SRBD1: variants seen among roughly 807,000 people sequenced by gnomAD.
The protein encoded by SRBD1 is S1 RNA-binding domain-containing protein 1.
SRBD1 carries 88 observed loss-of-function variants against 115.3 expected under a neutral mutation model. The ratio of observed to expected loss-of-function variants is 0.76; its 90% confidence interval spans 0.64 to 0.91. The LOEUF is 0.91. Ranked by LOEUF, SRBD1 falls within the 40% of genes least tolerant of loss-of-function variation. The pLI is 0.00. For synonymous variants in SRBD1, 509 were observed against 407.7 expected, an observed-to-expected ratio of 1.25 and a Z score of -2.99; for missense variants, 1,385 against 1,177.4, an observed-to-expected ratio of 1.18 and a Z score of -2.58.
chr2:45,529,998 A>C (rs1671563642), intron 14 of SRBD1, among the ~76,000 whole-genome samples: 2 of 152,024 alleles, frequency 1.3e-5, no homozygotes, highest in African/African-American at 2.4e-5. Context: ...TGACAATGGC[A>C]ATGATGGCAG....
chr2:45,497,007 G>A (rs947758417), intron 14 of SRBD1, among the ~76,000 whole-genome samples: 3 of 152,172 alleles, frequency 2.0e-5, no homozygotes, highest in African/African-American at 4.8e-5. Flanking sequence ...GGGAAAGAAT[G>A]AGTTGCTCAG....
intron 16 of SRBD1, among the ~76,000 whole-genome samples, chr2:45,459,656 A>G (rs2103768389): frequency 6.6e-6 from 1 of 152,332 alleles, no homozygotes; most frequent in Admixed American, 6.5e-5. Context: ...ACACTTTCAC[A>G]TATGCACCTT....
At chr2:45,600,397 T>C (rs1674055275) in intron 3 of SRBD1, among the ~76,000 whole-genome samples, 2 of 152,162 alleles carry the variant, frequency 1.3e-5, no homozygotes, top group South Asian at 4.1e-4. Flanking sequence ...AGTTTAATTT[T>C]TAAAAATGAG....
At chr2:45,452,199 T>A (rs938061876) in intron 16 of SRBD1, among the ~76,000 whole-genome samples, 1 of 152,004 alleles carries the variant, frequency 6.6e-6, no homozygotes, top group Non-Finnish European at 1.5e-5. Flanking sequence ...CAGTTCAATT[T>A]CTCATTTTCA....
chr2:45,413,061 T>A, intron 19 of SRBD1, 53 bp downstream of exon 19: 2 of 1,535,658 alleles, frequency 1.3e-6, no homozygotes, highest in Non-Finnish European at 1.7e-6. Context: ...GGCCATTTGC[T>A]GTAAAGAACT....
At chr2:45,561,337 TATTG>T (rs1672658770) in intron 10 of SRBD1, among the ~76,000 whole-genome samples, 1 of 152,238 alleles carries the variant, frequency 6.6e-6, no homozygotes, top group Non-Finnish European at 1.5e-5. Flanking sequence ...GCAATTTACC[TATTG>T]ATTAACATTT....
At chr2:45,442,437 G>A (rs1246052398) in intron 16 of SRBD1, among the ~76,000 whole-genome samples, 1 of 152,192 alleles carries the variant, frequency 6.6e-6, no homozygotes, top group Non-Finnish European at 1.5e-5. Context: ...CGTTCTGGGA[G>A]AATTAGGTGA....
intron 7 of SRBD1, 35 bp downstream of exon 7, chr2:45,579,837 AAAG>A: frequency 6.8e-7 from 1 of 1,481,206 alleles, no homozygotes; most frequent in Non-Finnish European, 9.0e-7. Flanking sequence ...AAAAAAAAAA[AAAG>A]AAACAAAGTT....
At chr2:45,528,552 A>T (rs1044695220) in intron 14 of SRBD1, among the ~76,000 whole-genome samples, 2 of 151,934 alleles carry the variant, frequency 1.3e-5, no homozygotes, top group African/African-American at 4.8e-5. Context: ...AATTTGGTTG[A>T]AACTGAGGTA....
intron 4 of SRBD1, among the ~76,000 whole-genome samples, chr2:45,595,717 C>G (rs1361521236): frequency 6.6e-6 from 1 of 152,136 alleles, no homozygotes; most frequent in African/African-American, 2.4e-5. Flanking sequence ...GAAAGGAAAT[C>G]CACATATACC....
intron 16 of SRBD1, among the ~76,000 whole-genome samples, chr2:45,431,292 A>G (rs1668327803): frequency 6.6e-6 from 1 of 152,182 alleles, no homozygotes; most frequent in Admixed American, 6.5e-5. Flanking sequence ...CAGCAATCCC[A>G]TTACTGGGTA....
chr2:45,467,067 A>C (rs1669510482), intron 16 of SRBD1, among the ~76,000 whole-genome samples: 1 of 152,220 alleles, frequency 6.6e-6, no homozygotes, highest in South Asian at 2.1e-4. Flanking sequence ...CCAATAAAAC[A>C]CAGACTACAG....
chr2:45,444,160 C>T (rs955878914), intron 16 of SRBD1, among the ~76,000 whole-genome samples: 3 of 152,144 alleles, frequency 2.0e-5, no homozygotes, highest in Non-Finnish European at 4.4e-5. Context: ...AATACCATAA[C>T]TTTGGAAGGA....
chr2:45,506,531 A>G (rs191016644), intron 14 of SRBD1, among the ~76,000 whole-genome samples: 29 of 152,216 alleles, frequency 1.9e-4, no homozygotes, highest in African/African-American at 7.0e-4. Flanking sequence ...TTTATTCCCC[A>G]CTGACATTTA....
At chr2:45,564,708 G>T (rs1672772764) in intron 9 of SRBD1, among the ~76,000 whole-genome samples, 1 of 152,120 alleles carries the variant, frequency 6.6e-6, no homozygotes, top group Non-Finnish European at 1.5e-5. Flanking sequence ...TTACACGGTT[G>T]ACCTTTGAAC....
Position 45,544,269 on chromosome 2 carries a change from G to T in SRBD1, c.1874+2463C>A, listed in dbSNP as rs548165546. Among the ~76,000 whole-genome samples, 331 of 151,412 alleles carry T rather than the reference G, an allele frequency of 2.2e-3. 1 individual carries two copies. Among genetic ancestry groups the T allele is most frequent in the African/African-American group, 5.6e-3 (230 of 41,252 alleles). ...AAAAAAAAAAATTTATATTAATGGG[G>T]TCTCCCTAAACTCAAAGATTAGCCC... On this transcript the variant is annotated intron_variant, in intron 14 of 20. Coordinates refer to ENST00000263736, the MANE Select transcript of SRBD1 (RefSeq NM_018079.5).
intron 16 of SRBD1, among the ~76,000 whole-genome samples, chr2:45,457,100 T>C (rs962641787): frequency 4.0e-5 from 6 of 151,874 alleles, no homozygotes; most frequent in African/African-American, 1.4e-4. Context: ...TATTATCAAA[T>C]AGAAAAGTCT....
intron 14 of SRBD1, among the ~76,000 whole-genome samples, chr2:45,515,699 C>T (rs1320363889): frequency 1.3e-5 from 2 of 152,100 alleles, no homozygotes; most frequent in Non-Finnish European, 2.9e-5. Context: ...TCTTTCTCAC[C>T]TGATTGTTGT....
chr2:45,549,716 A>G (rs1285212347), intron 12 of SRBD1, among the ~76,000 whole-genome samples: 1 of 148,284 alleles, frequency 6.7e-6, no homozygotes, highest in Non-Finnish European at 1.5e-5. Context: ...AAAAAAAAAA[A>G]GGCAGGCATG....
Sources: allele counts gnomAD v4.1 joint callset (sites outside exome capture counted in the v4.1 genomes callset), GRCh38; gene constraint gnomAD v4.1.1; transcripts MANE v1.5; gene names NCBI Gene and HGNC (gene_info 2026-07-23, HGNC 2026-07-21).